KCNJ3: variants seen among roughly 807,000 people sequenced by gnomAD.
KCNJ3 encodes the protein G protein-activated inward rectifier potassium channel 1.
Under a neutral mutation model 39.2 loss-of-function variants are expected in KCNJ3, and 4 were observed. The observed-to-expected ratio is 0.10, with a 90% confidence interval of 0.05 to 0.23. The LOEUF (loss-of-function observed/expected upper bound fraction) is 0.23. Ranked by LOEUF, KCNJ3 falls within the 10% of genes least tolerant of loss-of-function variation. The pLI is 1.00. For missense variants in KCNJ3, 276 were observed against 634.9 expected, an observed-to-expected ratio of 0.43 and a Z score of 6.08; for synonymous variants, 230 against 237.4, an observed-to-expected ratio of 0.97 and a Z score of 0.29.
At chr2:154,785,946 T>G (rs1206894462) in intron 2 of KCNJ3, among the ~76,000 whole-genome samples, 1 of 152,200 alleles carries the variant, frequency 6.6e-6, no homozygotes, top group African/African-American at 2.4e-5. Flanking sequence ...GAAAACACAG[T>G]TCAGCCCATA....
intron 2 of KCNJ3, among the ~76,000 whole-genome samples, chr2:154,784,408 C>G (rs1026681776): frequency 6.6e-6 from 1 of 152,184 alleles, no homozygotes; most frequent in South Asian, 2.1e-4. Flanking sequence ...GACGGAGTCT[C>G]GCTCTGTAGC....
At chr2:154,701,834 G>T (rs1684902468) in intron 1 of KCNJ3, among the ~76,000 whole-genome samples, 1 of 152,034 alleles carries the variant, frequency 6.6e-6, no homozygotes, top group Non-Finnish European at 1.5e-5. Flanking sequence ...AAGGGAGAGA[G>T]TTGATCTGTG....
intron 2 of KCNJ3, among the ~76,000 whole-genome samples, chr2:154,801,833 C>A (rs1248446560): frequency 1.3e-5 from 2 of 151,944 alleles, no homozygotes; most frequent in Admixed American, 6.6e-5. Context: ...TGACATATTG[C>A]CCAAGCTGGT....
Position 154,841,146 on chromosome 2 carries a change from G to T in KCNJ3, c.920-13581G>T, listed in dbSNP as rs1244806859. Among the ~76,000 whole-genome samples the T allele has an allele frequency of 4.6e-5, 7 of 152,254 alleles. No individual in the cohort carries two copies. In the South Asian group the frequency reaches 1.5e-3, roughly 32 times the overall value. On this transcript the variant is annotated intron_variant, in intron 2 of 2. Transcript: ENST00000295101. ...TTATTGAGAGTTTTTAACATCAAGG[G>T]CTGTTGAATTTTGTTAAAGGACGTT...
At chr2:154,848,158 G>A (rs1227937091) in intron 2 of KCNJ3, among the ~76,000 whole-genome samples, 2 of 152,010 alleles carry the variant, frequency 1.3e-5, no homozygotes, top group Non-Finnish European at 2.9e-5. Flanking sequence ...TTAATTCTAT[G>A]TTTTGGTGTA....
At chr2:154,734,683 A>G (rs965054079) in intron 2 of KCNJ3, among the ~76,000 whole-genome samples, 8 of 152,164 alleles carry the variant, frequency 5.3e-5, no homozygotes, top group Admixed American at 1.3e-4. Flanking sequence ...TGTAAGAAAG[A>G]GAAGGAAAGA....
At chr2:154,711,154 C>G (rs900958223) in intron 2 of KCNJ3, among the ~76,000 whole-genome samples, 2 of 151,970 alleles carry the variant, frequency 1.3e-5, no homozygotes, top group Non-Finnish European at 2.9e-5. Context: ...AGCTCCCATT[C>G]ATTTTTTCAA....
chr2:154,775,427 G>T (rs2105199186), intron 2 of KCNJ3, among the ~76,000 whole-genome samples: 1 of 152,188 alleles, frequency 6.6e-6, no homozygotes, highest in African/African-American at 2.4e-5. Flanking sequence ...TATATTATTT[G>T]TATCTGATTC....
chr2:154,759,559 AT>A (rs1279368385), intron 2 of KCNJ3, among the ~76,000 whole-genome samples: 1 of 152,024 alleles, frequency 6.6e-6, no homozygotes, highest in Non-Finnish European at 1.5e-5. Context: ...CTTTTAAAAA[AT>A]ATCTATCTAT....
At chr2:154,715,823 T>G (rs1157244378) in intron 2 of KCNJ3, among the ~76,000 whole-genome samples, 4 of 152,210 alleles carry the variant, frequency 2.6e-5, no homozygotes, top group African/African-American at 4.8e-5. Context: ...TATGCTAGTT[T>G]ATATATCTAT....
At chr2:154,811,466 G>A (rs1218475624) in intron 2 of KCNJ3, among the ~76,000 whole-genome samples, 1 of 152,074 alleles carries the variant, frequency 6.6e-6, no homozygotes, top group Non-Finnish European at 1.5e-5. Context: ...TTTTGTTTTT[G>A]TATTTTTAGT....
At chr2:154,805,803 A>G (rs1686900343) in intron 2 of KCNJ3, among the ~76,000 whole-genome samples, 1 of 152,150 alleles carries the variant, frequency 6.6e-6, no homozygotes, top group Non-Finnish European at 1.5e-5. Flanking sequence ...GTGATTTCCA[A>G]TTTAGAAAAT....
At chr2:154,794,449 T>C (rs1281232593) in intron 2 of KCNJ3, among the ~76,000 whole-genome samples, 1 of 152,048 alleles carries the variant, frequency 6.6e-6, no homozygotes, top group Non-Finnish European at 1.5e-5. Context: ...ATATGTTCAG[T>C]CTATTTTTAA....
chr2:154,724,436 A>C (rs1041173905), intron 2 of KCNJ3, among the ~76,000 whole-genome samples: 2 of 152,126 alleles, frequency 1.3e-5, no homozygotes, highest in East Asian at 3.9e-4. Context: ...ATTTAAACTG[A>C]TTCAGGTAAA....
chr2:154,744,340 A>G (rs1685702497), intron 2 of KCNJ3, among the ~76,000 whole-genome samples: 2 of 151,706 alleles, frequency 1.3e-5, no homozygotes, highest in Admixed American at 1.3e-4. Flanking sequence ...GTATCAGGGT[A>G]ATACTAGCTT....
chr2:154,739,016 A>G (rs895057679), intron 2 of KCNJ3, among the ~76,000 whole-genome samples: 3 of 152,082 alleles, frequency 2.0e-5, no homozygotes, highest in African/African-American at 4.8e-5. Flanking sequence ...TGCAATACTT[A>G]TTTTAAAAAC....
rs1412731061 is a variant in KCNJ3 at position 154,699,572 on chromosome 2, G to C, written c.702+95G>C. 1 of 1,470,418 alleles carries C rather than the reference G, an allele frequency of 6.8e-7. No individual in the cohort carries two copies. The highest frequency in any genetic ancestry group is 9.0e-7 in the Non-Finnish European group (1 of 1,113,286). The allele number at this position is 1,470,418 out of a possible 1,614,324, so 91.1% of individuals were successfully genotyped here. A position where few individuals can be genotyped will look rare whatever the true frequency, so the allele number is the denominator to read the frequency against. On this transcript the variant is annotated intron_variant, in intron 1 of 2. Transcript: ENST00000295101. The surrounding 1 kb of genome is among the most constrained non-coding windows in gnomAD (Gnocchi z 6.4). ...GAACCAGCCCGGGCCCCCTCCCCTGGTTCTACCTATAGCCACAGGTAAACT... is the reference window on the plus strand; with the variant it reads ...GAACCAGCCCGGGCCCCCTCCCCTGCTTCTACCTATAGCCACAGGTAAACT...
intron 2 of KCNJ3, among the ~76,000 whole-genome samples, chr2:154,843,192 A>G (rs1048563940): frequency 6.6e-6 from 1 of 152,160 alleles, no homozygotes; most frequent in Admixed American, 6.5e-5. Flanking sequence ...TCCTTCACTT[A>G]TGAAGCTTAG....
In KCNJ3 at chr2:154,714,161, A is replaced by G. The variant is rs1279839375; in HGVS notation, c.919+4342A>G. On this transcript the variant is annotated intron_variant, in intron 2 of 2. Transcript: ENST00000295101. ...TATGCATTGCTTTCCACCACCTATG[A>G]CTCAAGCTCCAATTCTTAGCATCCC... Among the ~76,000 whole-genome samples, 5 of 152,098 alleles carry G rather than the reference A, an allele frequency of 3.3e-5. No homozygotes were observed. In the East Asian group the frequency reaches 9.6e-4, roughly 29 times the overall value.
Sources: gnomAD v4.1 joint callset for allele counts (sites outside exome capture counted in the v4.1 genomes callset) on GRCh38, gnomAD v4.1.1 for gene constraint, Gnocchi (gnomAD v3.1) non-coding constraint, MANE v1.5 for transcripts, NCBI Gene and HGNC (gene_info 2026-07-23, HGNC 2026-07-21) for gene names.